ERC2: variants seen among roughly 807,000 people sequenced by gnomAD.
ERC2 encodes ERC protein 2.
Under a neutral mutation model 114.8 loss-of-function variants are expected in ERC2, and 42 were observed. The ratio of observed to expected loss-of-function variants is 0.37; its 90% confidence interval spans 0.29 to 0.47. The LOEUF (loss-of-function observed/expected upper bound fraction) is 0.47. Among genes scored for constraint, ERC2 ranks in the 20% least tolerant of loss-of-function variants. The probability of loss-of-function intolerance (pLI) is 0.99; values close to 1 mark genes in which losing one functional copy is unlikely to be tolerated. For missense variants in ERC2, 939 were observed against 1,150.7 expected (o/e 0.82, Z 2.66); for synonymous variants, 454 against 425.5 (o/e 1.07, Z -0.82).
intron 2 of ERC2, among the ~76,000 whole-genome samples, chr3:56,390,270 T>C (rs2060081526): frequency 6.6e-6 from 1 of 152,196 alleles, no homozygotes; most frequent in Non-Finnish European, 1.5e-5. Context: ...TGAGTTTCAA[T>C]GGAAAAAATT....
At chr3:56,225,288 C>T (rs1349328012) in intron 3 of ERC2, among the ~76,000 whole-genome samples, 3 of 152,136 alleles carry the variant, frequency 2.0e-5, no homozygotes, top group South Asian at 2.1e-4. Context: ...TCAAAGCTGG[C>T]CTGGCACTCA....
intron 17 of ERC2, among the ~76,000 whole-genome samples, chr3:55,681,074 A>G (rs1338485328): frequency 2.6e-5 from 4 of 152,082 alleles, no homozygotes; most frequent in Non-Finnish European, 4.4e-5. Flanking sequence ...AAGAGGGGAA[A>G]GGCTAGCTCT....
intron 17 of ERC2, among the ~76,000 whole-genome samples, chr3:55,560,172 C>G (rs183521759): frequency 6.6e-5 from 10 of 152,238 alleles, no homozygotes; most frequent in African/African-American, 2.4e-4. Flanking sequence ...AGCTCTGCCA[C>G]TATGTCTCAA....
intron 14 of ERC2, among the ~76,000 whole-genome samples, chr3:55,806,427 T>C (rs1371335936): frequency 6.7e-6 from 1 of 149,994 alleles, no homozygotes; most frequent in African/African-American, 2.5e-5. Context: ...AGGAAGAGAG[T>C]CACTGTCCAA....
chr3:55,998,249 T>A (rs1559997984), intron 10 of ERC2, among the ~76,000 whole-genome samples: 1 of 151,892 alleles, frequency 6.6e-6, no homozygotes, highest in African/African-American at 2.4e-5. Flanking sequence ...TTTCTCTCTC[T>A]CTCACACACA....
intron 17 of ERC2, among the ~76,000 whole-genome samples, chr3:55,576,842 C>T (rs756929956): frequency 3.9e-5 from 6 of 152,252 alleles, no homozygotes; most frequent in Admixed American, 6.5e-5. Flanking sequence ...CCGCATCGTG[C>T]GAGGGAGGCT....
intron 3 of ERC2, among the ~76,000 whole-genome samples, chr3:56,272,297 C>T (rs748488655): frequency 5.9e-5 from 9 of 152,194 alleles, no homozygotes; most frequent in Admixed American, 2.6e-4. Flanking sequence ...CCATCTCATT[C>T]GCTGTCAATA....
intron 17 of ERC2, among the ~76,000 whole-genome samples, chr3:55,583,115 C>T (rs2057341812): frequency 6.6e-6 from 1 of 152,116 alleles, no homozygotes; most frequent in Non-Finnish European, 1.5e-5. Context: ...GTGGTAACAC[C>T]AATTGTTATG....
chr3:55,841,524 A>G (rs1393156851), intron 14 of ERC2, among the ~76,000 whole-genome samples: 1 of 152,190 alleles, frequency 6.6e-6, no homozygotes, highest in Non-Finnish European at 1.5e-5. Context: ...TTATTAGCAG[A>G]GTGACAATAG....
intron 17 of ERC2, among the ~76,000 whole-genome samples, chr3:55,539,444 A>G (rs1164032771): frequency 2.9e-4 from 2 of 6,860 alleles, no homozygotes; most frequent in South Asian, 8.5e-3. Flanking sequence ...TTTTTTTTTG[A>G]TGGAGTCTTG....
chr3:55,718,902 G>A (rs1447531153), intron 15 of ERC2, among the ~76,000 whole-genome samples: 1 of 152,136 alleles, frequency 6.6e-6, no homozygotes, highest in Admixed American at 6.5e-5. Flanking sequence ...CTCAGCTAAA[G>A]CCTGATTCTT....
intron 17 of ERC2, among the ~76,000 whole-genome samples, chr3:55,563,203 G>T (rs1044253841): frequency 2.6e-5 from 4 of 152,082 alleles, no homozygotes; most frequent in African/African-American, 9.7e-5. Context: ...TGTTTAAAAA[G>T]AAATAATAAT....
intron 3 of ERC2, among the ~76,000 whole-genome samples, chr3:56,217,473 T>C (rs553143626): frequency 2.5e-3 from 381 of 152,164 alleles, no homozygotes; most frequent in Non-Finnish European, 4.5e-3. Flanking sequence ...AAACCACTGC[T>C]CGACAAAATA....
intron 16 of ERC2, among the ~76,000 whole-genome samples, chr3:55,691,573 AATATATATAT>A (rs1292437178): frequency 1.8e-4 from 7 of 39,732 alleles, no homozygotes; most frequent in African/African-American, 6.5e-4. Context: ...AAAAAAAAAA[AATATATATAT>A]ATATATATAT....
In ERC2 at chr3:56,362,167, G is replaced by A. The variant is rs918537581; in HGVS notation, c.658-65732C>T. Among the ~76,000 whole-genome samples the A allele has an allele frequency of 1.6e-4, 25 of 152,192 alleles. 1 individual carries two copies. Among genetic ancestry groups the A allele is most frequent in the Admixed American group, 4.6e-4 (7 of 15,280 alleles). On this transcript the variant is annotated intron_variant, in intron 2 of 17. Transcript: ENST00000288221. ...GACATTGGTTGACCAAAGCCAGAGA[G>A]ACGGAGGAAGGGAGGGAGGAAGGGA... is the stretch of plus-strand genomic sequence containing the variant.
intron 1 of ERC2, among the ~76,000 whole-genome samples, chr3:56,464,338 C>T (rs959837081): frequency 1.3e-5 from 2 of 152,212 alleles, no homozygotes; most frequent in Admixed American, 1.3e-4. Context: ...GAAAAGCATG[C>T]CCCAGGTAGC....
chr3:56,464,334 C>T (rs189295406), intron 1 of ERC2, among the ~76,000 whole-genome samples: 11 of 152,344 alleles, frequency 7.2e-5, no homozygotes, highest in Admixed American at 7.2e-4. Flanking sequence ...AGGAGAAAAG[C>T]ATGCCCCAGG....
At chr3:55,983,272 T>C (rs1223286852) in intron 12 of ERC2, among the ~76,000 whole-genome samples, 1 of 152,206 alleles carries the variant, frequency 6.6e-6, no homozygotes, top group Admixed American at 6.5e-5. Flanking sequence ...TACTTTTTAT[T>C]TTTTTAGTCA....
chr3:55,933,210 A>AG (rs2066230010), intron 13 of ERC2, among the ~76,000 whole-genome samples: 1 of 148,312 alleles, frequency 6.7e-6, no homozygotes, highest in East Asian at 2.0e-4. Context: ...CTTTGTCTCA[A>AG]AAAAAAAAAA....
Sources: allele counts gnomAD v4.1 joint callset (sites outside exome capture counted in the v4.1 genomes callset), GRCh38; gene constraint gnomAD v4.1.1; transcripts MANE v1.5; gene names NCBI Gene and HGNC (gene_info 2026-07-23, HGNC 2026-07-21).